The following FBXL13 variants were observed in gnomAD, a reference collection of about 807,000 sequenced individuals.
FBXL13 encodes the protein F-box and leucine-rich repeat protein 13.
FBXL13 carries 67 observed loss-of-function variants against 83.6 expected under a neutral mutation model. The ratio of observed to expected loss-of-function variants is 0.80; its 90% CI spans 0.66 to 0.98. FBXL13 has a LOEUF of 0.98. Among genes scored for constraint, FBXL13 ranks in the 50% least tolerant of loss-of-function variants. The pLI is 0.00. For synonymous variants in FBXL13, 272 were observed against 299.5 expected, an observed-to-expected ratio of 0.91 and a Z score of 0.95; for missense variants, 822 against 866.5, an observed-to-expected ratio of 0.95 and a Z score of 0.64.
chr7:103,018,844 C>T (rs934061772), intron 6 of FBXL13, among the ~76,000 whole-genome samples: 1 of 152,150 alleles, frequency 6.6e-6, no homozygotes, highest in African/African-American at 2.4e-5. Context: ...TAGAGACCTA[C>T]AAAGAGACTT....
intron 6 of FBXL13, among the ~76,000 whole-genome samples, chr7:103,012,727 C>T (rs1254235754): frequency 6.6e-6 from 1 of 152,216 alleles, no homozygotes; most frequent in Non-Finnish European, 1.5e-5. Flanking sequence ...ACAAGTGATA[C>T]TCTAAAGCAG....
At chr7:103,038,718 A>G (rs1003463250) in intron 2 of FBXL13, among the ~76,000 whole-genome samples, 1 of 152,234 alleles carries the variant, frequency 6.6e-6, no homozygotes, top group African/African-American at 2.4e-5. Flanking sequence ...ACAGACTGGC[A>G]GCTCAGGGGT....
At chr7:102,887,057 A>G (rs923281231) in intron 11 of FBXL13, among the ~76,000 whole-genome samples, 4 of 152,222 alleles carry the variant, frequency 2.6e-5, no homozygotes, top group Non-Finnish European at 5.9e-5. Context: ...ATTTATGGCA[A>G]TTCGTATGAT....
intron 6 of FBXL13, among the ~76,000 whole-genome samples, chr7:103,018,226 G>A (rs1792625370): frequency 6.6e-6 from 1 of 152,110 alleles, no homozygotes; most frequent in Admixed American, 6.5e-5. Context: ...GCCAAACTAA[G>A]CTTCATAAGT....
intron 8 of FBXL13, among the ~76,000 whole-genome samples, chr7:102,945,200 A>T (rs994075884): frequency 5.9e-5 from 9 of 152,222 alleles, no homozygotes; most frequent in African/African-American, 2.2e-4. Flanking sequence ...AATTGTCACA[A>T]ACAATAAGAA....
intron 19 of FBXL13, 107 bp from the exon 21 acceptor site, chr7:102,813,638 A>G: frequency 8.8e-7 from 1 of 1,142,388 alleles, no homozygotes; most frequent in African/African-American, 1.5e-5. Flanking sequence ...CACAATCTGA[A>G]TTCACATGAG....
intron 11 of FBXL13, among the ~76,000 whole-genome samples, chr7:102,903,939 CTTTTTT>C (rs1166655004): frequency 4.6e-5 from 2 of 43,470 alleles, no homozygotes; most frequent in African/African-American, 1.0e-4. Flanking sequence ...CTTTTCTTTT[CTTTTTT>C]TTTTTTTTTT....
At chr7:103,046,076 C>G (rs1796245529) in intron 2 of FBXL13, among the ~76,000 whole-genome samples, 1 of 152,046 alleles carries the variant, frequency 6.6e-6, no homozygotes, top group Non-Finnish European at 1.5e-5. Context: ...ATGCTCCTTA[C>G]CCAGGGTACC....
Position 102,914,672 on chromosome 7 carries a change from A to T in FBXL13, c.879-1457T>A, listed in dbSNP as rs114118356. Among the ~76,000 whole-genome samples the T allele has an allele frequency of 3.7e-3, 566 of 152,286 alleles. 5 individuals are homozygous for T. Among genetic ancestry groups the T allele is most frequent in the African/African-American group, 0.013 (559 of 41,560 alleles). On this transcript the variant is annotated intron_variant, in intron 10 of 19. Transcript: ENST00000313221. ...GCGAATTACTTGATTCAGAACACAC[A>T]TCCCGATCTGGGAAGGGCTGTGTAC... is the stretch of plus-strand genomic sequence containing the variant.
intron 16 of FBXL13, among the ~76,000 whole-genome samples, chr7:102,862,572 TTTCTA>T (rs1023212346): frequency 1.3e-5 from 2 of 152,212 alleles, no homozygotes; most frequent in African/African-American, 4.8e-5. Context: ...GTTAGTTTAC[TTTCTA>T]TTCTAAACAA....
intron 2 of FBXL13, among the ~76,000 whole-genome samples, chr7:103,045,078 G>A (rs1015001688): frequency 1.9e-4 from 29 of 152,240 alleles, no homozygotes; most frequent in Non-Finnish European, 4.0e-4. Context: ...AGACTCCAGT[G>A]CAGCCACATG....
In FBXL13 at chr7:102,912,684, C is replaced by CCCG. The variant is rs1554452560; in HGVS notation, c.1008+401_1008+402insCGG. On this transcript the variant is annotated intron_variant, in intron 11 of 19. Transcript: ENST00000313221. ...TTATAGCATTTTACCCCCCCCCCCC[C>CCCG]AAAAAAAAACCCATGTGGGAGTTAA... is the stretch of plus-strand genomic sequence containing the variant. 1.2e-3 allele frequency among the ~76,000 whole-genome samples: 143 copies of CCCG among 114,454 alleles called. 3 individuals are homozygous for CCCG. Among genetic ancestry groups the CCCG allele is most frequent in the Middle Eastern group, 4.6e-3 (1 of 216 alleles). The allele number at this position is 114,454 out of a possible 152,430, so 75.1% of individuals were successfully genotyped here.
intron 9 of FBXL13, among the ~76,000 whole-genome samples, chr7:102,927,072 G>C (rs1176688963): frequency 6.6e-6 from 1 of 152,162 alleles, no homozygotes; most frequent in African/African-American, 2.4e-5. Context: ...GTGGGACCAT[G>C]AAATAAGAGA....
intron 11 of FBXL13, among the ~76,000 whole-genome samples, chr7:102,908,174 G>A (rs1489522436): frequency 1.3e-5 from 2 of 151,988 alleles, no homozygotes; most frequent in African/African-American, 4.8e-5. Context: ...TAATTCTTCT[G>A]TTTGATCAGT....
intron 11 of FBXL13, among the ~76,000 whole-genome samples, chr7:102,905,860 A>T (rs1813666108): frequency 6.6e-6 from 1 of 152,192 alleles, no homozygotes; most frequent in African/African-American, 2.4e-5. Flanking sequence ...CCTGATAACA[A>T]CACTGTTTGC....
At position 102,939,499 on chromosome 7, in the gene FBXL13, A is replaced by C. The variant is rs756555533; in HGVS notation, c.725-7566T>G. The C allele has an allele frequency of 3.1e-6, 5 of 1,613,950 alleles. No homozygotes were observed. The Admixed American group carries it at 5.0e-5, about 16-fold the overall frequency. On this transcript the variant is annotated intron_variant, in intron 8 of 19. Transcript: ENST00000313221. ...CTTGACTTGTCATACAATAAAATCA[A>C]CCAACTTCGACCCAAGGAATTTGAA...
At chr7:102,964,404 A>ATATATATTT (rs796873670) in intron 7 of FBXL13, among the ~76,000 whole-genome samples, 1 of 143,270 alleles carries the variant, frequency 7.0e-6, no homozygotes, top group East Asian at 2.1e-4. Flanking sequence ...ATATATATAT[A>ATATATATTT]TTTTTTTTTT....
chr7:102,836,168 C>T (rs1333994759), intron 17 of FBXL13, among the ~76,000 whole-genome samples: 1 of 152,100 alleles, frequency 6.6e-6, no homozygotes, highest in Non-Finnish European at 1.5e-5. Flanking sequence ...TCTTTAAAGA[C>T]AAATGTTCTC....
At chr7:102,912,864 G>A (rs1024561275) in intron 11 of FBXL13, 1 of 503,960 alleles carries the variant, frequency 2.0e-6, no homozygotes, top group South Asian at 3.3e-5. Context: ...CATCCAATGA[G>A]CTCTGCCTGT....
Sources: allele counts gnomAD v4.1 joint callset (sites outside exome capture counted in the v4.1 genomes callset), GRCh38; gene constraint gnomAD v4.1.1; transcripts MANE v1.5; gene names NCBI Gene and HGNC (gene_info 2026-07-23, HGNC 2026-07-21).